The following TUBA1C variants were observed in gnomAD, a reference collection of about 807,000 sequenced individuals.
The protein encoded by TUBA1C is tubulin alpha-1C chain.
TUBA1C carries 16 observed loss-of-function variants against 34.9 expected under a neutral mutation model. The observed-to-expected ratio is 0.46, with a 90% CI of 0.31 to 0.70. The LOEUF (loss-of-function observed/expected upper bound fraction) is 0.70, where lower values mean the gene tolerates loss of function less well. Ranked by LOEUF, TUBA1C falls within the 30% of genes least tolerant of loss-of-function variation. The probability of loss-of-function intolerance (pLI) is 0.05; values close to 1 mark genes in which losing one functional copy is unlikely to be tolerated. For missense variants in TUBA1C, 329 were observed against 587.3 expected, an observed-to-expected ratio of 0.56 and a Z score of 4.55; for synonymous variants, 177 against 215.9, an observed-to-expected ratio of 0.82 and a Z score of 1.58.
At chr12:49,261,322 TC>T (rs893907681), upstream of TUBA1C, among the ~76,000 whole-genome samples, 1 of 152,208 alleles carries the variant, frequency 6.6e-6, no homozygotes, top group Non-Finnish European at 1.5e-5. Context: ...AAATTTTTTT[TC>T]TTGTTACATT....
intron 1 of TUBA1C, among the ~76,000 whole-genome samples, chr12:49,267,874 T>G (rs1174771733): frequency 1.3e-5 from 2 of 152,208 alleles, no homozygotes; most frequent in African/African-American, 4.8e-5. Flanking sequence ...CTTTGAGAAC[T>G]TAGTGCTCTG....
intron 1 of TUBA1C, among the ~76,000 whole-genome samples, chr12:49,246,261 G>A (rs925672108): frequency 2.0e-5 from 3 of 146,970 alleles, no homozygotes; most frequent in Admixed American, 6.8e-5. Flanking sequence ...GATTACAGGC[G>A]TGAGCCACTG....
chr12:49,249,029 A>G (rs937740447), intron 1 of TUBA1C, among the ~76,000 whole-genome samples: 1 of 152,178 alleles, frequency 6.6e-6, no homozygotes, highest in African/African-American at 2.4e-5. Context: ...AAATGAAAAT[A>G]CAACATATCA....
intron 1 of TUBA1C, among the ~76,000 whole-genome samples, chr12:49,265,635 C>G (rs1424985867): frequency 1.3e-5 from 2 of 152,238 alleles, no homozygotes; most frequent in African/African-American, 2.4e-5. Flanking sequence ...CCCTCTCCAG[C>G]GCCCAGTGAC....
chr12:49,235,732 CA>C (rs567880656), intron 1 of TUBA1C, among the ~76,000 whole-genome samples: 2,972 of 67,238 alleles, frequency 0.044, 44 homozygotes, highest in African/African-American at 0.1. Flanking sequence ...GACTCGGTCT[CA>C]AAAAAAAAAA....
At position 49,269,914 on chromosome 12, in the gene TUBA1C, C is replaced by G; in HGVS notation, c.313C>G (p.Arg105Gly). Residue 105 changes from arginine (R) to glycine (G), a missense_variant, in exon 3 of 4, where the codon CGA becomes GGA. This residue lies in a region of TUBA1C where 152 missense variants were observed against 240.3 expected (regional missense o/e 0.63). Transcript: ENST00000301072. Reference sequence around the variant, plus strand: ...GGAAGATGCTGCCAATAACTATGCCCGAGGGCACTACACCATTGGCAAGGA... The same window carrying G: ...GGAAGATGCTGCCAATAACTATGCCGGAGGGCACTACACCATTGGCAAGGA... The part of the protein sequence containing the change: ...GKEDAANNYA[R>G]GHYTIGKEII... 1.2e-6 allele frequency: 2 copies of G among 1,614,156 alleles called. No homozygotes were observed. The highest frequency in any genetic ancestry group is 1.7e-6 in the Non-Finnish European group (2 of 1,180,052).
intron 1 of TUBA1C, among the ~76,000 whole-genome samples, chr12:49,265,698 A>G (rs1942898570): frequency 6.6e-6 from 1 of 152,226 alleles, no homozygotes; most frequent in African/African-American, 2.4e-5. Flanking sequence ...CAACTGCGCC[A>G]GTCCACTTGA....
At chr12:49,258,779 G>A (rs538690833) in intron 1 of TUBA1C, among the ~76,000 whole-genome samples, 4 of 149,084 alleles carry the variant, frequency 2.7e-5, no homozygotes, top group African/African-American at 4.9e-5. Flanking sequence ...TTTTTGAGAC[G>A]GAGTTTTGCT....
chr12:49,228,161 T>C, exon 1 of TUBA1C: 1 of 1,535,722 alleles, frequency 6.5e-7, no homozygotes, highest in Non-Finnish European at 8.7e-7. Flanking sequence ...TGGCTGTGAT[T>C]CAAAGGTAAG....
chr12:49,270,848 G>A (rs190432533), intron 3 of TUBA1C, among the ~76,000 whole-genome samples: 12 of 152,178 alleles, frequency 7.9e-5, no homozygotes, highest in East Asian at 3.9e-4. Context: ...GCGTGGTGGT[G>A]GGCGCCTGTA....
At chr12:49,246,753 A>G (rs1942673557) in intron 1 of TUBA1C, among the ~76,000 whole-genome samples, 1 of 152,224 alleles carries the variant, frequency 6.6e-6, no homozygotes, top group Non-Finnish European at 1.5e-5. Context: ...CAGAAGGCCA[A>G]CTGGCTTATG....
chr12:49,241,649 TCTTC>T (rs1337980392), intron 1 of TUBA1C, among the ~76,000 whole-genome samples: 19 of 144,842 alleles, frequency 1.3e-4, no homozygotes, highest in Non-Finnish European at 2.9e-4. Context: ...TCCCTTCCTT[TCTTC>T]CTTCCTTCCT....
chr12:49,248,094 G>A (rs957954279), intron 1 of TUBA1C, among the ~76,000 whole-genome samples: 5 of 151,540 alleles, frequency 3.3e-5, no homozygotes, highest in Non-Finnish European at 5.9e-5. Context: ...GGCCAACATG[G>A]TGAAACCCCA....
At chr12:49,272,083 G>C (rs990955832) in intron 3 of TUBA1C, among the ~76,000 whole-genome samples, 170 bp from the exon 4 acceptor site, 2 of 151,888 alleles carry the variant, frequency 1.3e-5, no homozygotes, top group African/African-American at 4.8e-5. Context: ...TCCCACCTTG[G>C]ACCCCCAAAG....
chr12:49,253,630 C>T (rs928943123), intron 1 of TUBA1C, among the ~76,000 whole-genome samples: 14 of 152,064 alleles, frequency 9.2e-5, no homozygotes, highest in Non-Finnish European at 8.8e-5. Flanking sequence ...TGGGCTCAAG[C>T]GATCCTCCCA....
At chr12:49,247,169 A>G (rs970385399) in intron 1 of TUBA1C, among the ~76,000 whole-genome samples, 5 of 152,050 alleles carry the variant, frequency 3.3e-5, no homozygotes, top group African/African-American at 1.2e-4. Flanking sequence ...AAAAAAAGTA[A>G]AACAAGAGAA....
At chr12:49,255,304 T>C (rs1442507802) in intron 1 of TUBA1C, among the ~76,000 whole-genome samples, 1 of 151,974 alleles carries the variant, frequency 6.6e-6, no homozygotes, top group African/African-American at 2.4e-5. Flanking sequence ...GCTTTTCCCT[T>C]TGTATTTTAT....
At chr12:49,239,054 G>A (rs536261330) in intron 1 of TUBA1C, among the ~76,000 whole-genome samples, 3 of 152,154 alleles carry the variant, frequency 2.0e-5, no homozygotes, top group Non-Finnish European at 2.9e-5. Context: ...TGGGAATGTG[G>A]CTGGTTCCCC....
upstream of TUBA1C, among the ~76,000 whole-genome samples, chr12:49,263,090 C>A (rs371254668): frequency 1.0e-3 from 140 of 140,458 alleles, no homozygotes; most frequent in African/African-American, 3.2e-3. Flanking sequence ...GTGGCACGAT[C>A]TCTGCTCACT....
Sources: gnomAD v4.1 joint callset for allele counts (sites outside exome capture counted in the v4.1 genomes callset) on GRCh38, gnomAD v4.1.1 for gene constraint, gnomAD v4.1.1 regional missense constraint, MANE v1.5 for transcripts, NCBI Gene and HGNC (gene_info 2026-07-23, HGNC 2026-07-21) for gene names.